SPC25: variants seen among roughly 807,000 people sequenced by gnomAD.
SPC25 encodes the protein SPC25 component of NDC80 kinetochore complex, also known as kinetochore protein Spc25.
In SPC25, 22 loss-of-function variants were observed where a neutral mutation model predicts 29.6. The observed-to-expected ratio is 0.74, with a 90% CI of 0.53 to 1.06. SPC25 has a LOEUF of 1.06. Ranked by LOEUF, SPC25 falls within the 50% of genes least tolerant of loss-of-function variation. The pLI, the probability that SPC25 is intolerant of heterozygous loss-of-function variation, is 0.00. For missense variants in SPC25, 230 were observed against 255.8 expected (o/e 0.90, Z 0.69); for synonymous variants, 91 against 90.4 (o/e 1.01, Z -0.04).
chr2:168,864,353 C>T (rs1372814316), intron 4 of SPC25, among the ~76,000 whole-genome samples: 1 of 151,142 alleles, frequency 6.6e-6, no homozygotes, highest in Non-Finnish European at 1.5e-5. Flanking sequence ...GTGGCATGAT[C>T]TCAGCTCACT....
downstream of SPC25, among the ~76,000 whole-genome samples, chr2:168,868,714 A>G (rs1689918629): frequency 6.6e-6 from 1 of 152,218 alleles, no homozygotes; most frequent in Admixed American, 6.5e-5. Flanking sequence ...GCAATAATTA[A>G]TAGCTTACCA....
chr2:168,874,762 T>C (rs1204705547), intron 5 of SPC25, among the ~76,000 whole-genome samples: 1 of 152,142 alleles, frequency 6.6e-6, no homozygotes, highest in Non-Finnish European at 1.5e-5. Flanking sequence ...ACACTTCACG[T>C]GTGTTGTCAC....
chr2:168,863,032 A>AT lies in SPC25; in HGVS notation n.419+10552_419+10553insA, dbSNP rs1689567689. Among the ~76,000 whole-genome samples, 4 of 2,972 alleles carry AT rather than the reference A, an allele frequency of 1.3e-3. No homozygotes were observed. The South Asian group carries it at 0.15, about 114-fold the overall frequency. 1.9% of individuals were successfully genotyped at this position (2,972 alleles called of 152,430 possible). ...TTTTCTTCCTATGTGAATAAAAGACAGACATACTTCCCAGATGCCACCTAG... is the reference window on the plus strand; with the variant it reads ...TTTTCTTCCTATGTGAATAAAAGACATGACATACTTCCCAGATGCCACCTAG... On this transcript the variant is annotated intron_variant and non_coding_transcript_variant, in intron 4 of 4. Transcript: ENST00000479309.
At chr2:168,889,126 A>G in intron 3 of SPC25, 100 bp downstream of exon 3, 1 of 891,590 alleles carries the variant, frequency 1.1e-6, no homozygotes, top group East Asian at 2.7e-5. Context: ...ACATATACAC[A>G]CTTGTGTACA....
downstream of SPC25, among the ~76,000 whole-genome samples, chr2:168,868,908 G>C (rs1313889521): frequency 1.3e-5 from 2 of 152,024 alleles, no homozygotes; most frequent in African/African-American, 4.8e-5. Flanking sequence ...AACAAAAAAA[G>C]AGAATTTTAG....
downstream of SPC25, among the ~76,000 whole-genome samples, chr2:168,869,943 C>A (rs1186844196): frequency 3.3e-5 from 5 of 152,284 alleles, no homozygotes; most frequent in South Asian, 4.1e-4. Flanking sequence ...ATCACGCTAC[C>A]TGACTTCAAA....
chr2:168,879,996 C>T (rs983106535), intron 3 of SPC25, among the ~76,000 whole-genome samples: 2 of 152,320 alleles, frequency 1.3e-5, no homozygotes, highest in Admixed American at 6.5e-5. Flanking sequence ...CACACATGTG[C>T]TGTCATCTAG....
intron 5 of SPC25, among the ~76,000 whole-genome samples, chr2:168,875,308 A>G (rs1350910736): frequency 6.6e-6 from 1 of 152,178 alleles, no homozygotes; most frequent in Non-Finnish European, 1.5e-5. Flanking sequence ...AAAACATTGT[A>G]AGGCAAAAAT....
intron 3 of SPC25, among the ~76,000 whole-genome samples, chr2:168,888,434 A>G (rs557165843): frequency 6.6e-6 from 1 of 152,292 alleles, no homozygotes; most frequent in Non-Finnish European, 1.5e-5. Context: ...AGGCGCCTGT[A>G]GTCCCAGCTA....
chr2:168,877,114 G>T, intron 4 of SPC25, 124 bp downstream of exon 4: 1 of 989,308 alleles, frequency 1.0e-6, no homozygotes, highest in Non-Finnish European at 1.5e-6. Context: ...TGAGTGGCTG[G>T]TTATGCCCTG....
chr2:168,861,938 A>C, intron 4 of SPC25: 1 of 1,611,296 alleles, frequency 6.2e-7, no homozygotes, highest in East Asian at 2.2e-5. Context: ...CAGCATACTA[A>C]TTACAGCTTT....
At chr2:168,886,710 A>G (rs143848901) in intron 3 of SPC25, among the ~76,000 whole-genome samples, 49,303 of 151,024 alleles carry the variant, frequency 0.33, 8,720 homozygotes, top group East Asian at 0.56. Context: ...TAGTAGAGAC[A>G]AGGTTTCACC....
chr2:168,880,572 T>C (rs1392223620), intron 3 of SPC25, among the ~76,000 whole-genome samples: 5 of 152,254 alleles, frequency 3.3e-5, no homozygotes, highest in African/African-American at 1.2e-4. Context: ...TTATCATTCG[T>C]GTGTTCACTG....
Position 168,871,526 on chromosome 2 carries a change from G to C in SPC25, c.580C>G (p.Leu194Val). The C allele has an allele frequency of 1.2e-6, 2 of 1,601,030 alleles. No homozygotes were observed. Among genetic ancestry groups the C allele is most frequent in the Non-Finnish European group, 1.7e-6 (2 of 1,175,688 alleles). ...VSDSAPHLEG[L>V]AEFQENVRKT... is the part of the protein sequence containing the mutation. The stretch of plus-strand genomic sequence containing the variant: ...CTTACATTCTCTTGAAATTCTGCTA[G>C]GCCCTCAAGATGAGGGGCACTATCT... Residue 194 changes from leucine (L) to valine (V), a missense_variant, in exon 7 of 7, where the codon CTA becomes GTA. By Grantham distance (32) the Leu-to-Val change is conservative. Coordinates refer to ENST00000282074, the MANE Select transcript of SPC25 (RefSeq NM_020675.4).
chr2:168,863,026 AAAGAC>A (rs2105802063), intron 4 of SPC25, among the ~76,000 whole-genome samples: 1 of 34,814 alleles, frequency 2.9e-5, no homozygotes, highest in South Asian at 1.7e-3. Context: ...TATGTGAATA[AAAGAC>A]AGACATACTT....
intron 6 of SPC25, 65 bp downstream of exon 6, chr2:168,873,520 T>C: frequency 8.9e-7 from 1 of 1,129,698 alleles, no homozygotes; most frequent in Non-Finnish European, 1.3e-6. Flanking sequence ...TTACTTTATA[T>C]GCTGATTGAA....
At position 168,871,557 on chromosome 2, in the gene SPC25, T is replaced by TA; in HGVS notation, c.551-3dup. Reference sequence around the variant, plus strand: ...CAAGATGAGGGGCACTATCTGACACTAGAAAAAAAAAAAAAAGAAATCAAA... The same window carrying TA: ...CAAGATGAGGGGCACTATCTGACACTAAGAAAAAAAAAAAAAAGAAATCAAA... On this transcript the variant is annotated splice_polypyrimidine_tract_variant and splice_region_variant and intron_variant, in intron 6 of 6. Coordinates refer to ENST00000282074, the MANE Select transcript of SPC25 (RefSeq NM_020675.4). 2.1e-6 allele frequency: 3 copies of TA among 1,433,416 alleles called. No individual in the cohort carries two copies. Among genetic ancestry groups the TA allele is most frequent in the Non-Finnish European group, 2.7e-6 (3 of 1,100,422 alleles). 88.8% of individuals were successfully genotyped at this position (1,433,416 alleles called of 1,614,324 possible). A position where few individuals can be genotyped will look rare whatever the true frequency, so the allele number is the denominator to read the frequency against.
intron 4 of SPC25, chr2:168,864,956 G>A (rs903710470): frequency 6.2e-7 from 1 of 1,614,010 alleles, no homozygotes; most frequent in South Asian, 1.1e-5. Flanking sequence ...TGGCAACACA[G>A]CTACAAAGGC....
In SPC25 at chr2:168,873,536, AT is replaced by A. The variant is rs757778858; in HGVS notation, c.550+48del. ...TACTTTATATGCTGATTGAAATAAC[AT>A]TTTGGAACGCCAATCTTAAATACCA... On this transcript the variant is annotated intron_variant, in intron 6 of 6. Coordinates refer to ENST00000282074, the MANE Select transcript of SPC25 (RefSeq NM_020675.4). 473 of 1,325,368 alleles carry A rather than the reference AT, an allele frequency of 3.6e-4. 1 individual carries two copies. The highest frequency in any genetic ancestry group is 4.9e-4 in the Non-Finnish European group (450 of 922,892). The allele number at this position is 1,325,368 out of a possible 1,614,324, so 82.1% of individuals were successfully genotyped here. A position where few individuals can be genotyped will look rare whatever the true frequency, so the allele number is the denominator to read the frequency against.
Sources: allele counts gnomAD v4.1 joint callset (sites outside exome capture counted in the v4.1 genomes callset), GRCh38; gene constraint gnomAD v4.1.1; transcripts MANE v1.5; gene names NCBI Gene and HGNC (gene_info 2026-07-23, HGNC 2026-07-21).